Variants in DPP10 observed in about 807,000 individuals in gnomAD.
The protein encoded by DPP10 is inactive dipeptidyl peptidase 10.
DPP10 carries 33 observed loss-of-function variants against 120.9 expected under a neutral mutation model. The ratio of observed to expected loss-of-function variants is 0.27; its 90% CI spans 0.21 to 0.37. The LOEUF (loss-of-function observed/expected upper bound fraction) is 0.37, where lower values mean the gene tolerates loss of function less well. Ranked by LOEUF, DPP10 falls within the 10% of genes least tolerant of loss-of-function variation. DPP10 has a pLI of 1.00. For missense variants in DPP10, 816 were observed against 942.8 expected (o/e 0.87, Z 1.76); for synonymous variants, 337 against 326.1 (o/e 1.03, Z -0.36).
intron 7 of DPP10, among the ~76,000 whole-genome samples, chr2:115,690,402 T>C (rs911275046): frequency 1.3e-5 from 2 of 152,202 alleles, no homozygotes; most frequent in Non-Finnish European, 2.9e-5. Context: ...TAAAGCAGTT[T>C]GAGCAATTAT....
At chr2:114,557,814 A>C (rs1232505490) in intron 1 of DPP10, among the ~76,000 whole-genome samples, 2 of 152,208 alleles carry the variant, frequency 1.3e-5, no homozygotes, top group African/African-American at 4.8e-5. Context: ...TTTGGGGCTC[A>C]TGTAGGCCAC....
intron 5 of DPP10, among the ~76,000 whole-genome samples, chr2:115,618,642 A>G (rs570688161): frequency 6.6e-6 from 1 of 152,172 alleles, no homozygotes; most frequent in Non-Finnish European, 1.5e-5. Flanking sequence ...TGGTTTATCT[A>G]CACATACAAA....
chr2:115,536,899 A>G (rs1354265266), intron 5 of DPP10, among the ~76,000 whole-genome samples: 1 of 152,054 alleles, frequency 6.6e-6, no homozygotes, highest in African/African-American at 2.4e-5. Flanking sequence ...ACTCTGGTAA[A>G]ATTACACTAG....
intron 3 of DPP10, among the ~76,000 whole-genome samples, chr2:115,356,793 T>C (rs1416122918): frequency 6.6e-6 from 1 of 152,188 alleles, no homozygotes. Flanking sequence ...CCTTGGTTGA[T>C]TCCATGTCTT....
At chr2:115,653,489 A>G (rs1049151713) in intron 5 of DPP10, among the ~76,000 whole-genome samples, 1 of 151,864 alleles carries the variant, frequency 6.6e-6, no homozygotes, top group African/African-American at 2.4e-5. Flanking sequence ...ATGAAATCCT[A>G]ATTCCTTTGT....
chr2:115,286,526 A>ATATATATATATATATAT (rs10675008), intron 1 of DPP10, among the ~76,000 whole-genome samples: 2,479 of 60,326 alleles, frequency 0.041, 299 homozygotes, highest in Non-Finnish European at 0.059. Flanking sequence ...ATATATATAT[A>ATATATATATATATATAT]ATATATATAT....
intron 1 of DPP10, among the ~76,000 whole-genome samples, chr2:114,678,183 A>G (rs1403042577): frequency 6.6e-6 from 1 of 152,108 alleles, no homozygotes; most frequent in Non-Finnish European, 1.5e-5. Flanking sequence ...TGAAGATAAA[A>G]ACAGACATAT....
At chr2:114,651,699 C>T (rs927786883) in intron 1 of DPP10, among the ~76,000 whole-genome samples, 8 of 151,938 alleles carry the variant, frequency 5.3e-5, no homozygotes, top group Admixed American at 2.0e-4. Context: ...ATCAAGATCT[C>T]TGAGGATGCC....
chr2:115,222,376 A>G (rs1395812703), intron 1 of DPP10, among the ~76,000 whole-genome samples: 2 of 152,110 alleles, frequency 1.3e-5, no homozygotes, highest in African/African-American at 4.8e-5. Context: ...TTCATCTTGA[A>G]TTCTCACATG....
intron 5 of DPP10, among the ~76,000 whole-genome samples, chr2:115,646,100 G>A (rs1048778237): frequency 1.3e-5 from 2 of 150,646 alleles, no homozygotes; most frequent in African/African-American, 4.9e-5. Flanking sequence ...ACATGCACGT[G>A]CGTGCGCGCA....
intron 3 of DPP10, among the ~76,000 whole-genome samples, chr2:115,410,912 C>T (rs527669637): frequency 6.6e-6 from 1 of 152,174 alleles, no homozygotes; most frequent in East Asian, 1.9e-4. Flanking sequence ...TAAAATTAGA[C>T]TAATTTGTCT....
intron 4 of DPP10, among the ~76,000 whole-genome samples, chr2:115,507,157 T>C (rs1217043326): frequency 6.6e-6 from 1 of 152,150 alleles, no homozygotes; most frequent in Non-Finnish European, 1.5e-5. Context: ...ATCTAGTTTA[T>C]ATTTGAATTT....
chr2:114,493,602 T>C (rs1302442644), intron 1 of DPP10, among the ~76,000 whole-genome samples: 1 of 147,878 alleles, frequency 6.8e-6, no homozygotes, highest in East Asian at 2.0e-4. Flanking sequence ...TGCAATGAAG[T>C]AGCAGAGACA....
chr2:115,839,812 T>C (rs999344305), intron 24 of DPP10, among the ~76,000 whole-genome samples: 4 of 152,140 alleles, frequency 2.6e-5, no homozygotes, highest in African/African-American at 9.7e-5. Context: ...CAAATCTTCA[T>C]AGCTACCAAA....
At position 115,414,221 on chromosome 2, in the gene DPP10, C is replaced by T. The variant is rs573208946; in HGVS notation, c.271+70309C>T. Among the ~76,000 whole-genome samples, 4 of 152,098 alleles carry T rather than the reference C, an allele frequency of 2.6e-5. No homozygotes were observed. In the South Asian group the frequency reaches 8.3e-4, roughly 32 times the overall value. On this transcript the variant is annotated intron_variant, in intron 3 of 25. Transcript: ENST00000410059. ...AACAGGCTTTAGAAATAATTTTGTC[C>T]CACTCTATTATTATAGAGATGAATA... is the stretch of plus-strand genomic sequence containing the variant.
chr2:114,557,467 T>G (rs2104917630), intron 1 of DPP10, among the ~76,000 whole-genome samples: 1 of 152,288 alleles, frequency 6.6e-6, no homozygotes, highest in East Asian at 1.9e-4. Context: ...TCTTTCCACA[T>G]AAATGGCTTC....
At chr2:115,090,091 A>T (rs955523598) in intron 1 of DPP10, among the ~76,000 whole-genome samples, 57 of 152,038 alleles carry the variant, frequency 3.7e-4, no homozygotes, top group African/African-American at 1.2e-3. Context: ...GTGATCCACA[A>T]TTATTCCCTT....
chr2:115,490,421 C>T (rs2076042818), intron 3 of DPP10, among the ~76,000 whole-genome samples: 1 of 152,010 alleles, frequency 6.6e-6, no homozygotes, highest in Admixed American at 6.6e-5. Context: ...CTACCGGGTC[C>T]CCTGACACAT....
At chr2:115,617,940 C>T (rs1237083243) in intron 5 of DPP10, among the ~76,000 whole-genome samples, 1 of 152,154 alleles carries the variant, frequency 6.6e-6, no homozygotes, top group African/African-American at 2.4e-5. Context: ...ATTGTGGTCT[C>T]TCTCTCTAAT....
Sources: allele counts gnomAD v4.1 joint callset (sites outside exome capture counted in the v4.1 genomes callset), GRCh38; gene constraint gnomAD v4.1.1; transcripts MANE v1.5; gene names NCBI Gene and HGNC (gene_info 2026-07-23, HGNC 2026-07-21).